Variants in TRPM1 observed in about 807,000 individuals in gnomAD.
TRPM1 encodes the protein TRPM1-203 APA Isoform, Intron 10.
Under a neutral mutation model 149.4 loss-of-function variants are expected in TRPM1, and 113 were observed. The observed-to-expected ratio is 0.76, with a 90% confidence interval of 0.65 to 0.88. The LOEUF (loss-of-function observed/expected upper bound fraction) is 0.88, where lower values mean the gene tolerates loss of function less well. Among genes scored for constraint, TRPM1 ranks in the 40% least tolerant of loss-of-function variants. The pLI is 0.00. For missense variants in TRPM1, 1,976 were observed against 2,038.7 expected, an observed-to-expected ratio of 0.97 and a Z score of 0.59; for synonymous variants, 741 against 759.5, an observed-to-expected ratio of 0.98 and a Z score of 0.40.
chr15:31,101,704 C>T lies in TRPM1; in HGVS notation c.-131G>A. The T allele has an allele frequency of 1.0e-6, 1 of 985,916 alleles. No homozygotes were observed. The highest frequency in any genetic ancestry group is 1.2e-6 in the Non-Finnish European group (1 of 830,286). 61.1% of individuals were successfully genotyped at this position (985,916 alleles called of 1,614,324 possible). ...AGGGCACAGCTCAGGCTCTTTCAGC[C>T]TCCTCCTTGGCCAGGGCAGGGAGCT... On this transcript the variant is annotated 5_prime_UTR_variant, in exon 1 of 28. Coordinates refer to ENST00000256552, the MANE Select transcript of TRPM1 (RefSeq NM_001252024.2).
intron 27 of TRPM1, among the ~76,000 whole-genome samples, chr15:31,008,070 G>T (rs943559668): frequency 6.6e-6 from 1 of 152,054 alleles, no homozygotes; most frequent in African/African-American, 2.4e-5. Context: ...ATTCTAGGAC[G>T]TTTTCATTTG....
At chr15:31,090,253 C>T (rs1452188440) in intron 1 of TRPM1, among the ~76,000 whole-genome samples, 1 of 152,096 alleles carries the variant, frequency 6.6e-6, no homozygotes, top group African/African-American at 2.4e-5. Context: ...AGCTTCCTCA[C>T]CCTTCAACCA....
At chr15:31,046,959 G>T in intron 15 of TRPM1, 152 bp downstream of exon 15, 2 of 1,078,974 alleles carry the variant, frequency 1.9e-6, no homozygotes, top group Non-Finnish European at 1.4e-6. Flanking sequence ...GAATGCCGTG[G>T]CTCTGGCCTG....
At chr15:31,128,867 C>T (rs1395233137) in intron 1 of TRPM1, among the ~76,000 whole-genome samples, 1 of 152,230 alleles carries the variant, frequency 6.6e-6, no homozygotes, top group African/African-American at 2.4e-5. Context: ...TTTTATTTTG[C>T]ATAGAACTCA....
chr15:31,089,500 T>G (rs1006513412), intron 1 of TRPM1, among the ~76,000 whole-genome samples: 4 of 152,182 alleles, frequency 2.6e-5, no homozygotes, highest in African/African-American at 9.6e-5. Context: ...TGGAGAACAC[T>G]GGGGAGGCCT....
chr15:31,094,796 G>C (rs929167914), intron 1 of TRPM1, among the ~76,000 whole-genome samples: 13 of 152,248 alleles, frequency 8.5e-5, no homozygotes, highest in Non-Finnish European at 1.8e-4. Flanking sequence ...AAATGGTACA[G>C]TCACTTTGGA....
chr15:31,036,631 G>A (rs1243397211), intron 20 of TRPM1, among the ~76,000 whole-genome samples: 1 of 152,212 alleles, frequency 6.6e-6, no homozygotes, highest in Non-Finnish European at 1.5e-5. Context: ...CAGAGGGTCT[G>A]GGGTGAGACC....
intron 1 of TRPM1, among the ~76,000 whole-genome samples, chr15:31,113,665 C>A (rs368220770): frequency 1.3e-5 from 2 of 152,068 alleles, no homozygotes; most frequent in Non-Finnish European, 2.9e-5. Flanking sequence ...TTTTGCCCTC[C>A]ATCACCCACG....
intron 1 of TRPM1, among the ~76,000 whole-genome samples, chr15:31,158,714 A>G (rs12910070): frequency 0.79 from 118,994 of 151,268 alleles, 46,870 homozygotes; most frequent in East Asian, 0.87. Flanking sequence ...CCAAAAGTAA[A>G]AGGAGGAACA....
chr15:31,001,793 A>T lies in TRPM1; in HGVS notation c.*29T>A. Reference sequence around the variant, plus strand: ...ACACCCATTAGTGGTTCTGACTGTTAAAAAAAAAAATTAAAGAAACAAAAC... The same window carrying T: ...ACACCCATTAGTGGTTCTGACTGTTTAAAAAAAAAATTAAAGAAACAAAAC... On this transcript the variant is annotated 3_prime_UTR_variant, in exon 28 of 28. Transcript: ENST00000256552. 8.3e-7 allele frequency: 1 copy of T among 1,203,370 alleles called. No homozygotes were observed. Among genetic ancestry groups the T allele is most frequent in the Non-Finnish European group, 1.1e-6 (1 of 874,782 alleles). The allele number at this position is 1,203,370 out of a possible 1,614,324, so 74.5% of individuals were successfully genotyped here. A position where few individuals can be genotyped will look rare whatever the true frequency, so the allele number is the denominator to read the frequency against.
chr15:31,037,375 C>T (rs2033437168), intron 20 of TRPM1, among the ~76,000 whole-genome samples: 1 of 152,228 alleles, frequency 6.6e-6, no homozygotes, highest in African/African-American at 2.4e-5. Flanking sequence ...CTTTAAATCA[C>T]TAGTCATCTC....
chr15:31,147,374 G>A (rs1441823481), intron 1 of TRPM1, among the ~76,000 whole-genome samples: 5 of 152,158 alleles, frequency 3.3e-5, no homozygotes, highest in African/African-American at 7.2e-5. Flanking sequence ...CTTTTCAGTC[G>A]GGGTTCTAAA....
chr15:31,111,408 G>C (rs1409396944), intron 1 of TRPM1, among the ~76,000 whole-genome samples: 1 of 152,178 alleles, frequency 6.6e-6, no homozygotes, highest in Non-Finnish European at 1.5e-5. Context: ...CTTCACTCTG[G>C]AGTGATGGCA....
chr15:31,121,191 C>A (rs1326041459), intron 1 of TRPM1, among the ~76,000 whole-genome samples: 1 of 133,982 alleles, frequency 7.5e-6, no homozygotes, highest in Non-Finnish European at 1.5e-5. Context: ...TGCCACTACA[C>A]TCTGACCTGG....
chr15:31,054,227 C>A (rs1264446196), intron 11 of TRPM1, among the ~76,000 whole-genome samples: 1 of 151,930 alleles, frequency 6.6e-6, no homozygotes, highest in Non-Finnish European at 1.5e-5. Flanking sequence ...AATAAATTGC[C>A]TTTTGTTACC....
At chr15:31,060,976 C>A (rs1219495261) in intron 10 of TRPM1, among the ~76,000 whole-genome samples, 2 of 152,116 alleles carry the variant, frequency 1.3e-5, no homozygotes, top group Non-Finnish European at 2.9e-5. Context: ...GTGACCCTTC[C>A]CCTCTCTCTG....
intron 1 of TRPM1, among the ~76,000 whole-genome samples, chr15:31,120,723 AC>A (rs996420499): frequency 9.1e-6 from 1 of 110,052 alleles, no homozygotes. Flanking sequence ...ATGGAATTAG[AC>A]CAAAAAAAAA....
chr15:31,151,183 C>T (rs918296079), intron 1 of TRPM1, among the ~76,000 whole-genome samples: 8 of 152,100 alleles, frequency 5.3e-5, no homozygotes, highest in Non-Finnish European at 1.5e-5. Context: ...AAACTCCAGG[C>T]GATACCTCAC....
chr15:31,043,731 T>C (rs758799448), intron 16 of TRPM1, among the ~76,000 whole-genome samples: 37 of 152,172 alleles, frequency 2.4e-4, no homozygotes, highest in Non-Finnish European at 5.0e-4. Flanking sequence ...AATTAACTAA[T>C]GACTAATGAA....
Sources: allele counts gnomAD v4.1 joint callset (sites outside exome capture counted in the v4.1 genomes callset), GRCh38; gene constraint gnomAD v4.1.1; transcripts MANE v1.5; gene names NCBI Gene and HGNC (gene_info 2026-07-23, HGNC 2026-07-21).